DPP10: variants seen among roughly 807,000 people sequenced by gnomAD.
DPP10 encodes dipeptidyl peptidase like 10, also known as inactive dipeptidyl peptidase 10.
Under a neutral mutation model 120.9 loss-of-function variants are expected in DPP10, and 33 were observed. That is an observed-to-expected ratio of 0.27 (90% CI 0.21 to 0.37). The LOEUF is 0.37. DPP10 is among the 10% of genes least tolerant of loss of function. The pLI is 1.00. For missense variants in DPP10, 816 were observed against 942.8 expected (o/e 0.87, Z 1.76); for synonymous variants, 337 against 326.1 (o/e 1.03, Z -0.36).
intron 19 of DPP10, among the ~76,000 whole-genome samples, chr2:115,810,709 A>T (rs779615528): frequency 6.6e-6 from 1 of 152,184 alleles, no homozygotes; most frequent in African/African-American, 2.4e-5. Context: ...CTTAAAACAG[A>T]TGGAATTGTT....
intron 1 of DPP10, among the ~76,000 whole-genome samples, chr2:114,867,164 C>T (rs2106550832): frequency 6.6e-6 from 1 of 152,236 alleles, no homozygotes; most frequent in South Asian, 2.1e-4. Flanking sequence ...TGGTGACCCT[C>T]TAAAATAAGG....
intron 1 of DPP10, among the ~76,000 whole-genome samples, chr2:114,553,942 T>A (rs1395132698): frequency 6.6e-6 from 1 of 152,190 alleles, no homozygotes; most frequent in Non-Finnish European, 1.5e-5. Flanking sequence ...AAGCTGGGCT[T>A]CTAGTGGACA....
chr2:115,336,257 A>G (rs985424249), intron 2 of DPP10, among the ~76,000 whole-genome samples: 1 of 152,082 alleles, frequency 6.6e-6, no homozygotes, highest in African/African-American at 2.4e-5. Flanking sequence ...CTATGATCTT[A>G]AAGGACCAAA....
intron 2 of DPP10, among the ~76,000 whole-genome samples, chr2:115,312,336 G>A (rs1415925443): frequency 6.6e-6 from 1 of 152,096 alleles, no homozygotes; most frequent in Non-Finnish European, 1.5e-5. Flanking sequence ...AATTTGAGTT[G>A]TGACCCAGCA....
intron 1 of DPP10, among the ~76,000 whole-genome samples, chr2:114,939,981 G>A (rs370398155): frequency 3.3e-5 from 5 of 152,138 alleles, no homozygotes; most frequent in African/African-American, 1.2e-4. Flanking sequence ...TGAAATACAG[G>A]CCTATAATAA....
intron 1 of DPP10, among the ~76,000 whole-genome samples, chr2:114,943,580 C>T (rs1407204126): frequency 6.6e-6 from 1 of 152,034 alleles, no homozygotes; most frequent in African/African-American, 2.4e-5. Context: ...CCATGTGCCA[C>T]ATTTTCTTTA....
At chr2:115,072,511 T>C (rs1384342765) in intron 1 of DPP10, among the ~76,000 whole-genome samples, 2 of 152,202 alleles carry the variant, frequency 1.3e-5, no homozygotes, top group Non-Finnish European at 2.9e-5. Context: ...CTGCCTTCTT[T>C]GTGAGCCAAT....
chr2:115,498,216 TAACAGGAGAGTCATATTGGACTA>T (rs2076504428), intron 3 of DPP10, among the ~76,000 whole-genome samples: 1 of 152,142 alleles, frequency 6.6e-6, no homozygotes, highest in South Asian at 2.1e-4. Flanking sequence ...TTCTTGACTC[TAACAGGAGAGTCATATTGGACTA>T]TGTGTTTTGA....
chr2:115,058,165 G>A (rs1706085532), intron 1 of DPP10, among the ~76,000 whole-genome samples: 1 of 151,550 alleles, frequency 6.6e-6, no homozygotes, highest in Non-Finnish European at 1.5e-5. Context: ...CCCCCACAAT[G>A]GGTAGTTGAT....
chr2:115,193,770 T>C (rs2055050307), intron 1 of DPP10, among the ~76,000 whole-genome samples: 1 of 152,186 alleles, frequency 6.6e-6, no homozygotes, highest in South Asian at 2.1e-4. Context: ...CCTAACTCTA[T>C]TTCTACAAGA....
chr2:115,677,024 A>C (rs2090320143), intron 5 of DPP10, among the ~76,000 whole-genome samples: 1 of 152,182 alleles, frequency 6.6e-6, no homozygotes, highest in African/African-American at 2.4e-5. Context: ...TAATATGATA[A>C]TATAGTCAAA....
intron 2 of DPP10, among the ~76,000 whole-genome samples, chr2:115,319,524 ATTG>A (rs1185700881): frequency 6.6e-6 from 1 of 152,140 alleles, no homozygotes; most frequent in East Asian, 1.9e-4. Context: ...TAGCCTTTCT[ATTG>A]TTAGGAAGGT....
chr2:114,893,854 T>C (rs1304487418), intron 1 of DPP10, among the ~76,000 whole-genome samples: 1 of 152,222 alleles, frequency 6.6e-6, no homozygotes, highest in Non-Finnish European at 1.5e-5. Flanking sequence ...ATATTTTTTG[T>C]CACTACCCTT....
intron 10 of DPP10, among the ~76,000 whole-genome samples, chr2:115,748,678 T>C (rs1255011494): frequency 6.6e-6 from 1 of 152,116 alleles, no homozygotes; most frequent in Non-Finnish European, 1.5e-5. Context: ...ATAACTAGTG[T>C]TTATCACTGT....
At chr2:114,893,378 C>T (rs1472521366) in intron 1 of DPP10, among the ~76,000 whole-genome samples, 2 of 152,162 alleles carry the variant, frequency 1.3e-5, no homozygotes, top group Non-Finnish European at 2.9e-5. Context: ...AAAGAAACCT[C>T]ATTCCTAGCC....
intron 1 of DPP10, among the ~76,000 whole-genome samples, chr2:114,508,353 T>C (rs1683852513): frequency 6.6e-6 from 1 of 152,234 alleles, no homozygotes; most frequent in Non-Finnish European, 1.5e-5. Flanking sequence ...ACGTAAATTA[T>C]ATAGTTTTTT....
chr2:114,897,166 A>G (rs1693086092), intron 1 of DPP10, among the ~76,000 whole-genome samples: 2 of 152,202 alleles, frequency 1.3e-5, no homozygotes, highest in African/African-American at 2.4e-5. Context: ...TTTTGCATCA[A>G]TGTTCATCAA....
At chr2:115,668,375 G>A (rs1173694179) in intron 5 of DPP10, among the ~76,000 whole-genome samples, 1 of 152,016 alleles carries the variant, frequency 6.6e-6, no homozygotes, top group Non-Finnish European at 1.5e-5. Flanking sequence ...GCATGAATTT[G>A]GCTTCACTTT....
At chr2:115,792,230 T>G (rs1175340806) in intron 19 of DPP10, among the ~76,000 whole-genome samples, 1 of 152,104 alleles carries the variant, frequency 6.6e-6, no homozygotes, top group Admixed American at 6.6e-5. Flanking sequence ...TCTCTAAATA[T>G]AAAACAATCA....
Sources: allele counts gnomAD v4.1 joint callset (sites outside exome capture counted in the v4.1 genomes callset), GRCh38; gene constraint gnomAD v4.1.1; transcripts MANE v1.5; gene names NCBI Gene and HGNC (gene_info 2026-07-23, HGNC 2026-07-21).